AAMP: variants seen among roughly 807,000 people sequenced by gnomAD.
The protein encoded by AAMP is angio associated migratory cell protein, also known as angio-associated migratory cell protein.
Under a neutral mutation model 51.1 loss-of-function variants are expected in AAMP, and 12 were observed. The observed-to-expected ratio is 0.23, with a 90% CI of 0.15 to 0.38. The LOEUF is 0.38. Among genes scored for constraint, AAMP ranks in the 10% least tolerant of loss-of-function variants. The pLI is 1.00. For synonymous variants in AAMP, 210 were observed against 218.7 expected (o/e 0.96, Z 0.35); for missense variants, 418 against 557.2 (o/e 0.75, Z 2.52).
rs759452645 is a variant in AAMP, at chr2:218,264,542, A to G, written c.1296T>C (p.Pro432=). The change falls in exon 11 of 11, where the codon CCT becomes CCC. Residue 432 remains proline (P), a synonymous_variant. Transcript: ENST00000248450. ...HKAKVFCVQR[P]DR is the part of the protein sequence containing the mutation. ...GCAGGGGCTGCAGCCATTAACGGTC[A>G]GGCCTTTGGACACAAAATACTTTCG... 1 of 1,614,098 alleles carries G rather than the reference A, an allele frequency of 6.2e-7. No homozygotes were observed. The highest frequency in any genetic ancestry group is 2.2e-5 in the East Asian group (1 of 44,882).
chr2:218,267,137 C>T lies in AAMP; in HGVS notation c.395-151G>A. On this transcript the variant is annotated intron_variant, in intron 3 of 10. Coordinates refer to ENST00000248450, the MANE Select transcript of AAMP (RefSeq NM_001087.5). The surrounding 1 kb of genome is among the most constrained non-coding windows in gnomAD (Gnocchi z 4.6). ...GAACAGGTGCTGGAACTCACCACCACTCTAGGAACCAATACTCCCATGTCT... is the reference window on the plus strand; with the variant it reads ...GAACAGGTGCTGGAACTCACCACCATTCTAGGAACCAATACTCCCATGTCT... 1.1e-6 allele frequency: 1 copy of T among 892,422 alleles called. No homozygotes were observed. The highest frequency in any genetic ancestry group is 1.7e-6 in the Non-Finnish European group (1 of 594,884). The allele number at this position is 892,422 out of a possible 1,614,324, so 55.3% of individuals were successfully genotyped here. A position where few individuals can be genotyped will look rare whatever the true frequency, so the allele number is the denominator to read the frequency against.
chr2:218,269,631 C>G, intron 1 of AAMP, 97 bp from the exon 2 acceptor site: 1 of 1,592,712 alleles, frequency 6.3e-7, no homozygotes, highest in Non-Finnish European at 8.6e-7. Flanking sequence ...GGTCATGTGG[C>G]GAGAAGGGAA....
rs553483808 is a variant in AAMP, at chr2:218,266,537, G to A, written c.585C>T (p.Asp195=). Residue 195 remains aspartate (D), a synonymous_variant, in exon 5 of 11, where the codon GAC becomes GAT. Transcript: ENST00000248450. The surrounding 1 kb of genome is among the most constrained non-coding windows in gnomAD (Gnocchi z 4.7). ...RAPVLLAGTA[D]GNTWMWKVPN... ...GGACTTTCCACATCCAGGTGTTGCC[G>A]TCAGCTGTGCCCGCCAACAGGACAG... The A allele has an allele frequency of 2.5e-4, 400 of 1,613,646 alleles. 4 individuals carry two copies. In the Admixed American group the frequency reaches 4.7e-3, roughly 19 times the overall value.
At position 218,265,953 on chromosome 2, in the gene AAMP, T is replaced by C. The variant is rs200045609; in HGVS notation, c.764-7A>G. On this transcript the variant is annotated splice_region_variant and splice_polypyrimidine_tract_variant and intron_variant, in intron 6 of 10. Transcript: ENST00000248450. This position sits in a 1 kb window ranked among gnomAD's most constrained non-coding sequence, Gnocchi z 6.6. The stretch of plus-strand genomic sequence containing the variant: ...CCCTGGTGACCCTCAGTCCCTAGCA[T>C]AGAGCAGGGAGGCAGCTCAGGCTTC... 1,859 of 1,613,252 alleles carry C rather than the reference T, an allele frequency of 1.2e-3. 2 individuals are homozygous for C. Among genetic ancestry groups the C allele is most frequent in the Non-Finnish European group, 1.4e-3 (1,645 of 1,179,330 alleles).
rs1229973137 is a variant in AAMP, at chr2:218,267,923, G to C, written c.275-310C>G. ...AGTTGTCAGCATGGGATGCCACCGG[G>C]GTTGGGTACAGAGCGAGGAGAGCAT... On this transcript the variant is annotated intron_variant, in intron 2 of 10. Transcript: ENST00000248450. This position sits in a 1 kb window ranked among gnomAD's most constrained non-coding sequence, Gnocchi z 4.6. 4.6e-5 allele frequency among the ~76,000 whole-genome samples: 7 copies of C among 152,166 alleles called. No homozygotes were observed. The highest frequency in any genetic ancestry group is 1.0e-4 in the Non-Finnish European group (7 of 68,038).
Position 218,264,498 on chromosome 2 carries a change from C to T in AAMP, c.*35G>A, listed in dbSNP as rs1311334355. On this transcript the variant is annotated 3_prime_UTR_variant, in exon 11 of 11. Coordinates refer to ENST00000248450, the MANE Select transcript of AAMP (RefSeq NM_001087.5). ...ACAGGGGCAGGGGTCCCTTCGTCCC[C>T]TCAACACCAGACACACAGGCAGGGG... 1.2e-6 allele frequency: 2 copies of T among 1,604,932 alleles called. No homozygotes were observed. The highest frequency in any genetic ancestry group is 1.7e-6 in the Non-Finnish European group (2 of 1,171,800).
In AAMP at chr2:218,266,408, A is replaced by G. The variant is rs202243854; in HGVS notation, c.679+35T>C. On this transcript the variant is annotated intron_variant, in intron 5 of 10. Coordinates refer to ENST00000248450, the MANE Select transcript of AAMP (RefSeq NM_001087.5). This position sits in a 1 kb window ranked among gnomAD's most constrained non-coding sequence, Gnocchi z 4.7. Reference sequence around the variant, plus strand: ...GTATATCCCGGGATTCGGCCTCTGCACCCAGGAAAGGTCACTCAAGGGAGG... The same window carrying G: ...GTATATCCCGGGATTCGGCCTCTGCGCCCAGGAAAGGTCACTCAAGGGAGG... The G allele has an allele frequency of 1.3e-4, 209 of 1,604,938 alleles. 1 individual carries two copies. In the East Asian group the frequency reaches 3.7e-3, roughly 28 times the overall value.
At position 218,269,399 on chromosome 2, in the gene AAMP, G is replaced by T. The variant is rs1362964966; in HGVS notation, c.257C>A (p.Thr86Asn). The change falls in exon 2 of 11, where the codon ACC becomes AAC. Residue 86 changes from threonine to asparagine, a missense_variant. Thr to Asn is a moderately conservative substitution (Grantham distance 65). Coordinates refer to ENST00000248450, the MANE Select transcript of AAMP (RefSeq NM_001087.5). Reference protein sequence around the residue: ...SMEGPDDSEVTFALHSASVFC... With the variant: ...SMEGPDDSEVNFALHSASVFC... Reference sequence around the variant, plus strand: ...AGACCTACCTGAGTGCAATGCAAAGGTGACCTCGCTATCGTCGGGGCCCTC... The same window carrying T: ...AGACCTACCTGAGTGCAATGCAAAGTTGACCTCGCTATCGTCGGGGCCCTC... The T allele has an allele frequency of 1.2e-6, 2 of 1,613,968 alleles. No homozygotes were observed. The highest frequency in any genetic ancestry group is 4.5e-5 in the East Asian group (2 of 44,878).
In AAMP at chr2:218,265,350, C is replaced by A; in HGVS notation, c.1074+21G>T. 3 of 1,549,030 alleles carry A rather than the reference C, an allele frequency of 1.9e-6. No homozygotes were observed. Among genetic ancestry groups the A allele is most frequent in the East Asian group, 2.4e-5 (1 of 41,436 alleles). ...CACTATGGACACAGCCCACAGGGAC[C>A]CCAGCTCCAGCTGCCCATACCTGGT... On this transcript the variant is annotated intron_variant, in intron 9 of 10. Transcript: ENST00000248450. The surrounding 1 kb of genome is among the most constrained non-coding windows in gnomAD (Gnocchi z 6.6).
chr2:218,266,508 T>C lies in AAMP; in HGVS notation c.614A>G (p.Asn205Ser). The C allele has an allele frequency of 6.2e-7, 1 of 1,614,054 alleles. No homozygotes were observed. Residue 205 changes from asparagine to serine, a missense_variant, in exon 5 of 11, where the codon AAT (asparagine) becomes AGT (serine). Coordinates refer to ENST00000248450, the MANE Select transcript of AAMP (RefSeq NM_001087.5). The surrounding 1 kb of genome is among the most constrained non-coding windows in gnomAD (Gnocchi z 4.7). ...DGNTWMWKVPNGDCKTFQGPN... is the reference protein window; with the variant it reads ...DGNTWMWKVPSGDCKTFQGPN... ...ACCCTGGAAGGTCTTGCAGTCACCA[T>C]TCGGGACTTTCCACATCCAGGTGTT...
In AAMP at chr2:218,269,498, T is replaced by G. The variant is rs141356609; in HGVS notation, c.158A>C (p.Glu53Ala). Residue 53 changes from glutamate to alanine, a missense_variant, in exon 2 of 11, where the codon GAG (glutamate) becomes GCG (alanine). Transcript: ENST00000248450. ...LAQEMEDVDF[E>A]EEEEEEGNEE... Reference sequence around the variant, plus strand: ...GTTGCCCTCTTCCTCCTCTTCTTCCTCAAAGTCCACATCTTCCATCTCCTG... The same window carrying G: ...GTTGCCCTCTTCCTCCTCTTCTTCCGCAAAGTCCACATCTTCCATCTCCTG... 1 of 1,614,172 alleles carries G rather than the reference T, an allele frequency of 6.2e-7. No homozygotes were observed. The highest frequency in any genetic ancestry group is 8.5e-7 in the Non-Finnish European group (1 of 1,180,038).
Position 218,265,424 on chromosome 2 carries a change from A to G in AAMP, c.1021T>C (p.Leu341=). 6.4e-7 allele frequency: 1 copy of G among 1,565,320 alleles called. No individual in the cohort carries two copies. Among genetic ancestry groups the G allele is most frequent in the Non-Finnish European group, 8.7e-7 (1 of 1,154,014 alleles). ...TGCGTAGCCAGGTCATAGATGGCCA[A>G]GGTCCCATCCAGGTAGCCAACAGCT... ...LAAVGYLDGT[L]AIYDLATQTL... Residue 341 remains leucine (L), a synonymous_variant, in exon 9 of 11, where the codon TTG becomes CTG. Coordinates refer to ENST00000248450, the MANE Select transcript of AAMP (RefSeq NM_001087.5). The surrounding 1 kb of genome is among the most constrained non-coding windows in gnomAD (Gnocchi z 6.6).
rs1340846804 is a variant in AAMP at position 218,267,078 on chromosome 2, C to G, written c.395-92G>C. On this transcript the variant is annotated intron_variant, in intron 3 of 10. Transcript: ENST00000248450. The surrounding 1 kb of genome is among the most constrained non-coding windows in gnomAD (Gnocchi z 4.6). ...TCTGGTATCTGGCCCACTGAAAGGA[C>G]CAGCTAGGAAAAAAAGAGGGGCGGG... 8 of 1,487,052 alleles carry G rather than the reference C, an allele frequency of 5.4e-6. No individual in the cohort carries two copies. Among genetic ancestry groups the G allele is most frequent in the Non-Finnish European group, 7.4e-6 (8 of 1,085,940 alleles). 92.1% of individuals were successfully genotyped at this position (1,487,052 alleles called of 1,614,324 possible). A position where few individuals can be genotyped will look rare whatever the true frequency, so the allele number is the denominator to read the frequency against.
chr2:218,265,105 C>T lies in AAMP; in HGVS notation c.1144G>A (p.Val382Met), dbSNP rs368048910. The change falls in exon 10 of 11, where the codon GTG (valine) becomes ATG (methionine). Residue 382 changes from valine (V) to methionine (M), a missense_variant. By Grantham distance (21) the Val-to-Met change is conservative. Coordinates refer to ENST00000248450, the MANE Select transcript of AAMP (RefSeq NM_001087.5). This position sits in a 1 kb window ranked among gnomAD's most constrained non-coding sequence, Gnocchi z 6.6. ...VVYTCSLDGI[V>M]RLWDARTGRL... ...CCGGTCCGGGCGTCCCAGAGGCGCA[C>T]GATGCCATCCAGGCTGCAGGTATAT... The T allele has an allele frequency of 1.3e-5, 21 of 1,612,474 alleles. No individual in the cohort carries two copies. Among genetic ancestry groups the T allele is most frequent in the East Asian group, 4.5e-5 (2 of 44,892 alleles).
At chr2:218,269,286 A>C (rs937283208) in intron 2 of AAMP, 96 bp downstream of exon 2, 2 of 1,513,852 alleles carry the variant, frequency 1.3e-6, no homozygotes, top group Non-Finnish European at 1.8e-6. Context: ...CATCTTGCCC[A>C]TCTCTGTGTC....
Position 218,264,222 on chromosome 2 carries a change from G to T in AAMP, c.*311C>A. 1 of 410,290 alleles carries T rather than the reference G, an allele frequency of 2.4e-6. No individual in the cohort carries two copies. Among genetic ancestry groups the T allele is most frequent in the Non-Finnish European group, 4.4e-6 (1 of 228,192 alleles). 25.4% of individuals were successfully genotyped at this position (410,290 alleles called of 1,614,324 possible). A position where few individuals can be genotyped will look rare whatever the true frequency, so the allele number is the denominator to read the frequency against. ...AGAGACTTGGGAAGGGAAAGAACGG[G>T]AACCTCAAACACCTACTCCCCACAT... is the stretch of plus-strand genomic sequence containing the variant. On this transcript the variant is annotated 3_prime_UTR_variant, in exon 11 of 11. Transcript: ENST00000248450.
rs1049677834 is a variant in AAMP at position 218,266,139 on chromosome 2, C to A, written c.688G>T (p.Ala230Ser). 3 of 1,614,116 alleles carry A rather than the reference C, an allele frequency of 1.9e-6. No individual in the cohort carries two copies. The highest frequency in any genetic ancestry group is 2.5e-6 in the Non-Finnish European group (3 of 1,179,978). Reference sequence around the variant, plus strand: ...GTCCCATCTTCATAGCCTACCACAGCTCTCTTCCCTGAAGAGAGGCACAGA... The same window carrying A: ...GTCCCATCTTCATAGCCTACCACAGATCTCTTCCCTGAAGAGAGGCACAGA... ...CGRVLPDGKR[A>S]VVGYEDGTIR... The change falls in exon 6 of 11, where the codon GCT becomes TCT. Residue 230 changes from alanine (A) to serine (S), a missense_variant. Transcript: ENST00000248450. The surrounding 1 kb of genome is among the most constrained non-coding windows in gnomAD (Gnocchi z 4.7).
At position 218,266,784 on chromosome 2, in the gene AAMP, C is replaced by T; in HGVS notation, c.534+63G>A. The T allele has an allele frequency of 1.2e-6, 2 of 1,604,586 alleles. No individual in the cohort carries two copies. The highest frequency in any genetic ancestry group is 8.5e-7 in the Non-Finnish European group (1 of 1,174,232). On this transcript the variant is annotated intron_variant, in intron 4 of 10. Coordinates refer to ENST00000248450, the MANE Select transcript of AAMP (RefSeq NM_001087.5). The surrounding 1 kb of genome is among the most constrained non-coding windows in gnomAD (Gnocchi z 4.7). ...GCGCAATAAAGGCAGAACTGGCCTCCCAAGCTTGCACCCCCAACAACCCAA... is the reference window on the plus strand; with the variant it reads ...GCGCAATAAAGGCAGAACTGGCCTCTCAAGCTTGCACCCCCAACAACCCAA...
Position 218,266,305 on chromosome 2 carries a change from G to A in AAMP, c.679+138C>T. On this transcript the variant is annotated intron_variant, in intron 5 of 10. Coordinates refer to ENST00000248450, the MANE Select transcript of AAMP (RefSeq NM_001087.5). The surrounding 1 kb of genome is among the most constrained non-coding windows in gnomAD (Gnocchi z 4.7). Reference sequence around the variant, plus strand: ...GCAGGAAGGAGGCGCTGTGAACTTTGGGGCCCAGGAGGTCAGCACTGCAAA... The same window carrying A: ...GCAGGAAGGAGGCGCTGTGAACTTTAGGGCCCAGGAGGTCAGCACTGCAAA... 1.5e-6 allele frequency: 2 copies of A among 1,379,230 alleles called. No homozygotes were observed. The highest frequency in any genetic ancestry group is 2.0e-6 in the Non-Finnish European group (2 of 998,816). The allele number at this position is 1,379,230 out of a possible 1,614,324, so 85.4% of individuals were successfully genotyped here.
Sources: allele counts gnomAD v4.1 joint callset (sites outside exome capture counted in the v4.1 genomes callset), GRCh38; gene constraint gnomAD v4.1.1; non-coding constraint Gnocchi (gnomAD v3.1); transcripts MANE v1.5; gene names NCBI Gene and HGNC (gene_info 2026-07-23, HGNC 2026-07-21).